RAB11B: variants seen among roughly 807,000 people sequenced by gnomAD.
RAB11B encodes RAB11B, member RAS oncogene family.
Under a neutral mutation model 23.7 loss-of-function variants are expected in RAB11B, and 7 were observed. That is an observed-to-expected ratio of 0.29 (90% CI 0.17 to 0.55). The LOEUF is 0.55. Ranked by LOEUF, RAB11B falls within the 20% of genes least tolerant of loss-of-function variation. RAB11B has a pLI of 0.93. For missense variants in RAB11B, 189 were observed against 320.0 expected (o/e 0.59, Z 3.12); for synonymous variants, 138 against 132.0 (o/e 1.05, Z -0.31).
At chr19:8,400,644 TG>T (rs1971430350) in intron 2 of RAB11B, among the ~76,000 whole-genome samples, 1 of 151,826 alleles carries the variant, frequency 6.6e-6, no homozygotes, top group African/African-American at 2.4e-5. Context: ...TGGAGTGCGA[TG>T]GCACGATCTC....
intron 1 of RAB11B, chr19:8,390,832 T>A (rs1320195187): frequency 5.1e-6 from 1 of 197,156 alleles, no homozygotes; most frequent in Non-Finnish European, 1.0e-5. Context: ...GGCGGGGTTT[T>A]TAGGGGCGGG....
At chr19:8,397,619 G>A (rs1971406840) in intron 1 of RAB11B, among the ~76,000 whole-genome samples, 1 of 152,050 alleles carries the variant, frequency 6.6e-6, no homozygotes, top group African/African-American at 2.4e-5. Context: ...AGTGCCCGAG[G>A]CAGGAAGTTG....
chr19:8,400,419 C>G (rs2913969), intron 2 of RAB11B: 1 of 289,688 alleles, frequency 3.5e-6, no homozygotes, highest in African/African-American at 2.1e-5. Flanking sequence ...CCACCTGGGC[C>G]TGGCCTCCAT....
chr19:8,392,575 C>T (rs747476682), intron 1 of RAB11B, among the ~76,000 whole-genome samples: 1 of 152,042 alleles, frequency 6.6e-6, no homozygotes, highest in African/African-American at 2.4e-5. Flanking sequence ...ATCTAACCCA[C>T]AAGTTCAGCT....
intron 4 of RAB11B, 59 bp from the exon 5 acceptor site, chr19:8,403,354 C>T: frequency 6.4e-7 from 1 of 1,568,776 alleles, no homozygotes; most frequent in Non-Finnish European, 8.7e-7. Flanking sequence ...GGAGGGGTTC[C>T]CCTCGGCAGG....
chr19:8,403,642 T>C lies in RAB11B; in HGVS notation c.*84T>C. ...CTCTGGCCCCTCCCTGCTGTCCCTCTGTGGCCGGCTCGTTCCAGCCCTCCC... is the reference window on the plus strand; with the variant it reads ...CTCTGGCCCCTCCCTGCTGTCCCTCCGTGGCCGGCTCGTTCCAGCCCTCCC... On this transcript the variant is annotated 3_prime_UTR_variant, in exon 5 of 5. Coordinates refer to ENST00000328024, the MANE Select transcript of RAB11B (RefSeq NM_004218.4). 1 of 1,519,322 alleles carries C rather than the reference T, an allele frequency of 6.6e-7. No homozygotes were observed. Among genetic ancestry groups the C allele is most frequent in the Non-Finnish European group, 8.9e-7 (1 of 1,127,896 alleles). The allele number at this position is 1,519,322 out of a possible 1,614,324, so 94.1% of individuals were successfully genotyped here.
In RAB11B at chr19:8,398,022, C is replaced by T. The variant is rs138785194; in HGVS notation, c.41-1841C>T. 3.0e-4 allele frequency among the ~76,000 whole-genome samples: 46 copies of T among 152,208 alleles called. No homozygotes were observed. In the East Asian group the frequency reaches 8.5e-3, roughly 28 times the overall value. On this transcript the variant is annotated intron_variant, in intron 1 of 4. Transcript: ENST00000328024. ...GTCTGGTTGGCTGTATTCAAGTGCA[C>T]ACACACACACTGATCTTCCCCACAT...
chr19:8,399,405 C>T (rs1350996706), intron 1 of RAB11B, among the ~76,000 whole-genome samples: 2 of 152,230 alleles, frequency 1.3e-5, no homozygotes, highest in Non-Finnish European at 2.9e-5. Flanking sequence ...CTCTTACTTC[C>T]TCCTCCTGTG....
intron 1 of RAB11B, chr19:8,390,659 G>C (rs547003847): frequency 4.0e-6 from 2 of 502,740 alleles, no homozygotes; most frequent in African/African-American, 2.0e-5. Flanking sequence ...CGGAGGCCCG[G>C]AGAGACCTGG....
chr19:8,392,195 A>G (rs1376229635), intron 1 of RAB11B, among the ~76,000 whole-genome samples: 2 of 151,826 alleles, frequency 1.3e-5, no homozygotes, highest in Admixed American at 6.6e-5. Context: ...TGCTCCCCAC[A>G]TGCCCCATCC....
chr19:8,403,592 C>T lies in RAB11B; in HGVS notation c.*34C>T. 1.3e-6 allele frequency: 2 copies of T among 1,582,152 alleles called. No individual in the cohort carries two copies. The highest frequency in any genetic ancestry group is 2.3e-5 in the East Asian group (1 of 44,358). On this transcript the variant is annotated 3_prime_UTR_variant, in exon 5 of 5. Coordinates refer to ENST00000328024, the MANE Select transcript of RAB11B (RefSeq NM_004218.4). ...CCTCCACCCAGCGTGCGTGCACGTC[C>T]TCCGCCCGCCCCCGCCACGGTATCC... is the stretch of plus-strand genomic sequence containing the variant.
intron 1 of RAB11B, among the ~76,000 whole-genome samples, chr19:8,392,843 A>C (rs1287495168): frequency 1.3e-5 from 2 of 149,974 alleles, no homozygotes; most frequent in Non-Finnish European, 3.0e-5. Context: ...AGCACCCACC[A>C]CACCCGGCTA....
Position 8,399,939 on chromosome 19 carries a change from G to C in RAB11B, c.117G>C (p.Glu39Asp), listed in dbSNP as rs1971424755. Reference protein sequence around the residue: ...SRFTRNEFNLESKSTIGVEFA... With the variant: ...SRFTRNEFNLDSKSTIGVEFA... ...TCACCCGCAACGAGTTCAACCTGGA[G>C]AGCAAGAGCACCATCGGCGTGGAGT... is the stretch of plus-strand genomic sequence containing the variant. Residue 39 changes from glutamate to aspartate, a missense_variant, in exon 2 of 5, where the codon GAG becomes GAC. Physicochemically the swap from Glu to Asp is conservative, Grantham distance 45. Coordinates refer to ENST00000328024, the MANE Select transcript of RAB11B (RefSeq NM_004218.4). The C allele has an allele frequency of 6.2e-7, 1 of 1,614,116 alleles. No individual in the cohort carries two copies.
chr19:8,394,163 G>A (rs906112576), intron 1 of RAB11B, among the ~76,000 whole-genome samples: 2 of 152,196 alleles, frequency 1.3e-5, no homozygotes, highest in African/African-American at 4.8e-5. Flanking sequence ...TGGTTGGGCA[G>A]CTCAGCCTCT....
In RAB11B at chr19:8,395,127, G is replaced by A. The variant is rs557860548; in HGVS notation, c.40+4671G>A. ...CTCCCGTAGCTGCCGTGGAAAGGAG[G>A]TTAAGGTTGGTGGTGTAGATGGGGG... On this transcript the variant is annotated intron_variant, in intron 1 of 4. Coordinates refer to ENST00000328024, the MANE Select transcript of RAB11B (RefSeq NM_004218.4). Among the ~76,000 whole-genome samples, 26 of 152,326 alleles carry A rather than the reference G, an allele frequency of 1.7e-4. No individual in the cohort carries two copies. The South Asian group carries it at 4.1e-3, about 24-fold the overall frequency.
intron 4 of RAB11B, 100 bp downstream of exon 4, chr19:8,402,665 C>CTTTTTGTTTTTTTT (rs746225529): frequency 1.0e-6 from 1 of 1,002,274 alleles, no homozygotes; most frequent in Non-Finnish European, 1.5e-6. Context: ...TTGTTTTTTT[C>CTTTTTGTTTTTTTT]TTTTTTTTGT....
intron 4 of RAB11B, among the ~76,000 whole-genome samples, chr19:8,403,195 G>A (rs114978560): frequency 6.6e-6 from 1 of 152,184 alleles, no homozygotes; most frequent in African/African-American, 2.4e-5. Flanking sequence ...CTCTGAGGGA[G>A]GAGGGCGCTT....
chr19:8,403,427 G>A lies in RAB11B; in HGVS notation c.526G>A (p.Val176Met), dbSNP rs921864727. The A allele has an allele frequency of 6.2e-7, 1 of 1,613,628 alleles. No homozygotes were observed. The highest frequency in any genetic ancestry group is 2.2e-5 in the East Asian group (1 of 44,862). Residue 176 changes from valine (V) to methionine (M), a missense_variant, in exon 5 of 5, where the codon GTG becomes ATG. By Grantham distance (21) the Val-to-Met change is conservative. Transcript: ENST00000328024. ...CCCCTTTGCAGAGATCTACCGCATC[G>A]TGTCACAGAAACAGATCGCAGACCG... ...KNILTEIYRIVSQKQIADRAA... is the reference protein window; with the variant it reads ...KNILTEIYRIMSQKQIADRAA...
chr19:8,400,672 C>T (rs536227390), intron 2 of RAB11B, among the ~76,000 whole-genome samples: 12 of 151,648 alleles, frequency 7.9e-5, no homozygotes, highest in African/African-American at 2.4e-4. Flanking sequence ...CTGCAACCTC[C>T]GCCTCCTGGG....
Sources: gnomAD v4.1 joint callset for allele counts (sites outside exome capture counted in the v4.1 genomes callset) on GRCh38, gnomAD v4.1.1 for gene constraint, MANE v1.5 for transcripts, NCBI Gene and HGNC (gene_info 2026-07-23, HGNC 2026-07-21) for gene names.